The following CSMD2 variants were observed in gnomAD, a reference collection of about 807,000 sequenced individuals.
CSMD2 encodes CUB and sushi domain-containing protein 2.
CSMD2 carries 130 observed loss-of-function variants against 398.5 expected under a neutral mutation model. The ratio of observed to expected loss-of-function variants is 0.33; its 90% CI spans 0.28 to 0.38. CSMD2 has a LOEUF of 0.38. Among genes scored for constraint, CSMD2 ranks in the 10% least tolerant of loss-of-function variants. The pLI is 1.00. For synonymous variants in CSMD2, 1,828 were observed against 1,908.5 expected (o/e 0.96, Z 1.10); for missense variants, 3,829 against 4,764.9 (o/e 0.80, Z 5.78).
intron 2 of CSMD2, among the ~76,000 whole-genome samples, chr1:34,037,485 T>C (rs185090171): frequency 5.3e-5 from 8 of 152,284 alleles, no homozygotes; most frequent in Non-Finnish European, 8.8e-5. Flanking sequence ...TTGTACCCTA[T>C]GGATTAAAAT....
chr1:33,744,105 C>T (rs747192166), intron 13 of CSMD2, among the ~76,000 whole-genome samples: 48 of 152,140 alleles, frequency 3.2e-4, no homozygotes, highest in Non-Finnish European at 5.4e-4. Context: ...TGAAACACTG[C>T]GTCTTCGTGC....
chr1:33,957,848 C>A (rs1645218692), intron 3 of CSMD2, among the ~76,000 whole-genome samples: 1 of 152,134 alleles, frequency 6.6e-6, no homozygotes, highest in Non-Finnish European at 1.5e-5. Context: ...GAACCCTGAT[C>A]CTGCCAATAA....
In CSMD2 at chr1:33,765,563, A is replaced by G. The variant is rs573558017; in HGVS notation, c.1846+7006T>C. 2.7e-3 allele frequency among the ~76,000 whole-genome samples: 408 copies of G among 152,362 alleles called. 3 individuals are homozygous for G. Among genetic ancestry groups the G allele is most frequent in the African/African-American group, 9.0e-3 (374 of 41,594 alleles). ...CATCTAAGTAAACTCCAGATGGAGTAACAAATTATATTTTAAAAAATCAAA... is the reference window on the plus strand; with the variant it reads ...CATCTAAGTAAACTCCAGATGGAGTGACAAATTATATTTTAAAAAATCAAA... On this transcript the variant is annotated intron_variant, in intron 13 of 70. Transcript: ENST00000373381.
intron 2 of CSMD2, among the ~76,000 whole-genome samples, chr1:34,087,745 C>A (rs532318109): frequency 4.6e-5 from 7 of 152,124 alleles, no homozygotes; most frequent in African/African-American, 1.7e-4. Context: ...GCCTGCCTCC[C>A]CATTAGCATG....
At chr1:34,080,920 TGGAAAGAAAGAAAGAAAGAAAGAA>T (rs1182783458) in intron 2 of CSMD2, among the ~76,000 whole-genome samples, 15 of 56,790 alleles carry the variant, frequency 2.6e-4, no homozygotes, top group Non-Finnish European at 3.0e-4. Context: ...ACTAACTGAG[TGGAAAGAAAGAAAGAAAGAAAGAA>T]AGAAAGAAAG....
At chr1:34,038,742 C>G (rs538663536) in intron 2 of CSMD2, among the ~76,000 whole-genome samples, 1 of 152,336 alleles carries the variant, frequency 6.6e-6, no homozygotes, top group South Asian at 2.1e-4. Flanking sequence ...AGGAAGTGGT[C>G]AGCCCAAAGT....
At chr1:33,654,373 T>G (rs1176469010) in intron 27 of CSMD2, among the ~76,000 whole-genome samples, 3 of 152,206 alleles carry the variant, frequency 2.0e-5, no homozygotes, top group Non-Finnish European at 4.4e-5. Context: ...CACATGGGAC[T>G]GGCTCCAAAG....
intron 25 of CSMD2, among the ~76,000 whole-genome samples, chr1:33,672,992 T>C (rs1254950115): frequency 6.6e-6 from 1 of 152,140 alleles, no homozygotes; most frequent in Non-Finnish European, 1.5e-5. Flanking sequence ...CAAAGGTAGA[T>C]AAAACCACAA....
chr1:33,795,078 C>A (rs551502703), intron 10 of CSMD2, among the ~76,000 whole-genome samples: 1 of 150,844 alleles, frequency 6.6e-6, no homozygotes, highest in East Asian at 2.0e-4. Flanking sequence ...GGATGTGGAC[C>A]TGTAGCAAGG....
intron 5 of CSMD2, among the ~76,000 whole-genome samples, chr1:33,877,614 A>G (rs1355967629): frequency 6.6e-6 from 1 of 152,220 alleles, no homozygotes; most frequent in Non-Finnish European, 1.5e-5. Flanking sequence ...AGACTGTGAA[A>G]GGCAGACAAG....
chr1:33,974,677 G>A (rs1395340172), intron 3 of CSMD2, among the ~76,000 whole-genome samples: 1 of 152,154 alleles, frequency 6.6e-6, no homozygotes, highest in African/African-American at 2.4e-5. Context: ...ACTCATCTCA[G>A]CACAGGGCTC....
intron 13 of CSMD2, among the ~76,000 whole-genome samples, chr1:33,743,859 C>A (rs907763774): frequency 6.6e-6 from 1 of 152,206 alleles, no homozygotes; most frequent in Non-Finnish European, 1.5e-5. Flanking sequence ...CTTGGCCCCT[C>A]TCCCCTGGTC....
intron 42 of CSMD2, 99 bp from the exon 43 acceptor site, chr1:33,602,645 T>C: frequency 9.2e-7 from 1 of 1,091,542 alleles, no homozygotes; most frequent in South Asian, 1.8e-5. Context: ...GAACTAATCA[T>C]CCTGTCAGGG....
intron 44 of CSMD2, among the ~76,000 whole-genome samples, chr1:33,597,794 A>G (rs1639937860): frequency 6.6e-6 from 1 of 152,252 alleles, no homozygotes; most frequent in Admixed American, 6.5e-5. Context: ...ATAAGGAATA[A>G]GCAACAATGT....
intron 2 of CSMD2, among the ~76,000 whole-genome samples, chr1:34,075,001 CT>C (rs1656162751): frequency 6.6e-6 from 1 of 152,244 alleles, no homozygotes; most frequent in South Asian, 2.1e-4. Context: ...GATTATTTAA[CT>C]GTCTCCCTAA....
chr1:33,910,438 G>A (rs975700038), intron 5 of CSMD2, among the ~76,000 whole-genome samples: 1 of 152,178 alleles, frequency 6.6e-6, no homozygotes, highest in Non-Finnish European at 1.5e-5. Context: ...AGCCCTTCCA[G>A]CATCACCGCC....
intron 3 of CSMD2, among the ~76,000 whole-genome samples, chr1:34,005,184 C>T (rs1174481954): frequency 6.6e-6 from 1 of 152,196 alleles, no homozygotes; most frequent in African/African-American, 2.4e-5. Flanking sequence ...AACCCAAGCA[C>T]ATTCAGCTAG....
At chr1:33,673,969 A>G (rs58817849) in intron 25 of CSMD2, among the ~76,000 whole-genome samples, 3,841 of 152,318 alleles carry the variant, frequency 0.025, 155 homozygotes, top group African/African-American at 0.084. Flanking sequence ...AGCACTAAAC[A>G]TGGAAAGGAA....
chr1:33,795,429 C>T (rs1207711236), intron 10 of CSMD2, among the ~76,000 whole-genome samples: 2 of 152,146 alleles, frequency 1.3e-5, no homozygotes, highest in East Asian at 3.9e-4. Flanking sequence ...GTCTCATTTC[C>T]TAGCATGAAA....
Sources: gnomAD v4.1 joint callset for allele counts (sites outside exome capture counted in the v4.1 genomes callset) on GRCh38, gnomAD v4.1.1 for gene constraint, MANE v1.5 for transcripts, NCBI Gene and HGNC (gene_info 2026-07-23, HGNC 2026-07-21) for gene names.